The following FUT8 variants were observed in gnomAD, a reference collection of about 807,000 sequenced individuals.
FUT8 encodes the protein fucosyltransferase 8.
FUT8 carries 29 observed loss-of-function variants against 71.3 expected under a neutral mutation model. That is an observed-to-expected ratio of 0.41 (90% CI 0.30 to 0.55). The LOEUF (loss-of-function observed/expected upper bound fraction) is 0.55. FUT8 is among the 20% of genes least tolerant of loss of function. The pLI, the probability that FUT8 is intolerant of heterozygous loss-of-function variation, is 0.34. For missense variants in FUT8, 544 were observed against 702.1 expected (o/e 0.77, Z 2.55); for synonymous variants, 254 against 239.3 (o/e 1.06, Z -0.57).
chr14:65,544,399 T>C (rs760333570), intron 2 of FUT8, among the ~76,000 whole-genome samples: 12 of 152,184 alleles, frequency 7.9e-5, no homozygotes, highest in Non-Finnish European at 1.6e-4. Context: ...ATGGTTGCTC[T>C]TTCTAATATT....
the FUT8 span, among the ~76,000 whole-genome samples, chr14:65,390,827 G>A: frequency 5.3e-5 from 8 of 150,062 alleles, no homozygotes; most frequent in Non-Finnish European, 1.2e-4. Context: ...GGGTTCAAAC[G>A]ATTCTCCTGC....
rs995485378 is a variant in FUT8 at position 65,652,275 on chromosome 14, C to T, written c.598-16968C>T. 3.9e-5 allele frequency among the ~76,000 whole-genome samples: 6 copies of T among 152,180 alleles called. No homozygotes were observed. The highest frequency in any genetic ancestry group is 3.9e-4 in the Admixed American group (6 of 15,282). On this transcript the variant is annotated intron_variant, in intron 6 of 10. Transcript: ENST00000673929. The surrounding 1 kb of genome is among the most constrained non-coding windows in gnomAD (Gnocchi z 4.0). ...GGCCAGATACTCGCTTTCCTAGCAC[C>T]CTCCCTGTTTTGTATGCCCTCTGCT...
intron 2 of FUT8, chr14:65,528,946 A>G (rs1883730115): frequency 6.5e-6 from 1 of 153,714 alleles, no homozygotes; most frequent in South Asian, 2.1e-4. Context: ...GAAACTTGCC[A>G]TATGCCTTTA....
intron 2 of FUT8, among the ~76,000 whole-genome samples, chr14:65,510,343 T>C (rs939074197): frequency 2.6e-5 from 4 of 152,224 alleles, no homozygotes; most frequent in Non-Finnish European, 5.9e-5. Flanking sequence ...TATTTCGTTA[T>C]GGATTTTTGT....
At chr14:65,393,874 T>TCATGGCAGAAGGCAAAAGGCATGTCTTA in the FUT8 span, among the ~76,000 whole-genome samples, 1 of 152,116 alleles carries the variant, frequency 6.6e-6, no homozygotes, top group Non-Finnish European at 1.5e-5. Context: ...GGCCTTACAA[T>TCATGGCAGAAGGCAAAAGGCATGTCTTA]CATGGCAGAA....
At chr14:65,539,335 C>G (rs527627463) in intron 2 of FUT8, among the ~76,000 whole-genome samples, 9 of 152,254 alleles carry the variant, frequency 5.9e-5, no homozygotes, top group Admixed American at 4.6e-4. Flanking sequence ...TCAGCCATAC[C>G]GTGTTTCTTT....
chr14:65,641,409 G>T (rs1890823279), intron 6 of FUT8, among the ~76,000 whole-genome samples: 2 of 152,180 alleles, frequency 1.3e-5, no homozygotes, highest in African/African-American at 4.8e-5. Flanking sequence ...TTACTTATTT[G>T]CCTGTTGATG....
At chr14:65,368,202 T>C in the FUT8 span, among the ~76,000 whole-genome samples, 3 of 151,214 alleles carry the variant, frequency 2.0e-5, no homozygotes, top group South Asian at 2.1e-4. Context: ...TACAGGCATG[T>C]GCCACCACGC....
At chr14:65,486,496 G>T (rs1305304698) in intron 2 of FUT8, among the ~76,000 whole-genome samples, 1 of 152,156 alleles carries the variant, frequency 6.6e-6, no homozygotes, top group Admixed American at 6.5e-5. Context: ...AATAAGAGAT[G>T]AATTACATGA....
At chr14:65,591,829 A>T (rs574749578) in intron 3 of FUT8, among the ~76,000 whole-genome samples, 2 of 148,572 alleles carry the variant, frequency 1.3e-5, no homozygotes, top group East Asian at 3.9e-4. Context: ...CTATTGAAGC[A>T]TTGAAGCAGG....
intron 3 of FUT8, among the ~76,000 whole-genome samples, chr14:65,567,896 G>A (rs1886277571): frequency 6.6e-6 from 1 of 151,744 alleles, no homozygotes; most frequent in Non-Finnish European, 1.5e-5. Context: ...TCCTTCTTGT[G>A]ATGTCTTTCA....
At chr14:65,680,125 T>C (rs2140405826) in intron 7 of FUT8, among the ~76,000 whole-genome samples, 1 of 152,226 alleles carries the variant, frequency 6.6e-6, no homozygotes, top group East Asian at 1.9e-4. Context: ...GTCTGAGAAG[T>C]TCCACGATCT....
intron 2 of FUT8, among the ~76,000 whole-genome samples, chr14:65,492,684 G>A (rs77246646): frequency 0.021 from 3,119 of 152,142 alleles, 46 homozygotes; most frequent in Admixed American, 0.03. Context: ...TATGTCAGAC[G>A]CAGTGTTGTA....
rs1025545953 is a variant in FUT8, at chr14:65,669,963, T to C, written c.835+483T>C. On this transcript the variant is annotated intron_variant, in intron 7 of 10. Transcript: ENST00000673929. This position sits in a 1 kb window ranked among gnomAD's most constrained non-coding sequence, Gnocchi z 4.5. ...GAGTTTTAATATCTGACAAAAGTTT[T>C]AGGTTTAGGGACCGTGCTTTGAGAA... is the stretch of plus-strand genomic sequence containing the variant. Among the ~76,000 whole-genome samples the C allele has an allele frequency of 1.3e-5, 2 of 152,204 alleles. No homozygotes were observed. Among genetic ancestry groups the C allele is most frequent in the African/African-American group, 4.8e-5 (2 of 41,450 alleles).
In FUT8 at chr14:65,651,458, T is replaced by G. The variant is rs551198558; in HGVS notation, c.598-17785T>G. ...TGTGAATCTAAACAACTTGATTGCC[T>G]ATCAAAGTAGAAAATTTAAACAACA... On this transcript the variant is annotated intron_variant, in intron 6 of 10. Transcript: ENST00000673929. 1.7e-4 allele frequency among the ~76,000 whole-genome samples: 26 copies of G among 152,348 alleles called. 1 individual carries two copies. In the East Asian group the frequency reaches 5.0e-3, roughly 29 times the overall value.
chr14:65,533,568 GT>G (rs1884095602), intron 2 of FUT8, among the ~76,000 whole-genome samples: 4 of 152,094 alleles, frequency 2.6e-5, no homozygotes, highest in African/African-American at 7.2e-5. Flanking sequence ...AGACATTGGG[GT>G]TTTGTAGGTA....
chr14:65,629,889 A>G (rs1320785833), intron 6 of FUT8, among the ~76,000 whole-genome samples: 1 of 151,980 alleles, frequency 6.6e-6, no homozygotes, highest in African/African-American at 2.4e-5. Flanking sequence ...CTTACATTTT[A>G]TAGGAGAGAA....
At chr14:65,396,271 C>A in the FUT8 span, among the ~76,000 whole-genome samples, 1 of 152,230 alleles carries the variant, frequency 6.6e-6, no homozygotes, top group Non-Finnish European at 1.5e-5. This position sits in a 1 kb window ranked among gnomAD's most constrained non-coding sequence, Gnocchi z 5.5. Flanking sequence ...TTTATAGCCG[C>A]ACCCCACTCT....
intron 3 of FUT8, among the ~76,000 whole-genome samples, chr14:65,615,197 G>A (rs1889218035): frequency 6.6e-6 from 1 of 152,064 alleles, no homozygotes; most frequent in African/African-American, 2.4e-5. Flanking sequence ...ATGGTTCAAG[G>A]ATGGTTCAAG....
Sources: gnomAD v4.1 joint callset for allele counts (sites outside exome capture counted in the v4.1 genomes callset) on GRCh38, gnomAD v4.1.1 for gene constraint, Gnocchi (gnomAD v3.1) non-coding constraint, MANE v1.5 for transcripts, NCBI Gene and HGNC (gene_info 2026-07-23, HGNC 2026-07-21) for gene names.